The following PAK1 variants were observed in gnomAD, a reference collection of about 807,000 sequenced individuals.
The protein encoded by PAK1 is p21 (RAC1) activated kinase 1, also known as serine/threonine-protein kinase PAK 1.
A neutral mutation model predicts 67.4 loss-of-function variants in PAK1; 29 were observed. The ratio of observed to expected loss-of-function variants is 0.43; its 90% confidence interval spans 0.32 to 0.59. The LOEUF (loss-of-function observed/expected upper bound fraction) is 0.59, where lower values mean the gene tolerates loss of function less well. Among genes scored for constraint, PAK1 ranks in the 20% least tolerant of loss-of-function variants. PAK1 has a pLI of 0.07. For missense variants in PAK1, 337 were observed against 670.7 expected (o/e 0.50, Z 5.50); for synonymous variants, 223 against 237.4 (o/e 0.94, Z 0.56).
chr11:77,402,384 T>C (rs977510757), intron 1 of PAK1, among the ~76,000 whole-genome samples: 3 of 152,154 alleles, frequency 2.0e-5, no homozygotes, highest in Non-Finnish European at 4.4e-5. Flanking sequence ...TCCTACCACC[T>C]TGCAGACAGT....
At chr11:77,333,021 C>T (rs1422022823) in intron 13 of PAK1, among the ~76,000 whole-genome samples, 154 bp from the exon 14 acceptor site, 1 of 152,070 alleles carries the variant, frequency 6.6e-6, no homozygotes, top group Non-Finnish European at 1.5e-5. Flanking sequence ...ACCTAAGGAT[C>T]AGGTTGAACA....
chr11:77,463,517 C>T (rs1339110219), intron 1 of PAK1, among the ~76,000 whole-genome samples: 2 of 152,184 alleles, frequency 1.3e-5, no homozygotes, highest in Non-Finnish European at 2.9e-5. Flanking sequence ...AGTCTCAAGA[C>T]CACTTGGAAA....
At chr11:77,505,470 A>G in the PAK1 span, among the ~76,000 whole-genome samples, 10 of 152,198 alleles carry the variant, frequency 6.6e-5, no homozygotes, top group Admixed American at 4.6e-4. Context: ...TTACAGGCGT[A>G]AGGTAACATG....
At position 77,355,704 on chromosome 11, in the gene PAK1, GCTT is replaced by G. The variant is rs745312995; in HGVS notation, c.733_735del (p.Lys245del). On this transcript the variant is annotated inframe_deletion, in exon 7 of 15. Coordinates refer to ENST00000356341, the MANE Select transcript of PAK1 (RefSeq NM_002576.5). Reference sequence around the variant, plus strand: ...AAGATCTCCTCATCAGACATTTTAGGCTTCTTCTTCTGCTTCTCAGTATTCCGG... The same window carrying G: ...AAGATCTCCTCATCAGACATTTTAGGCTTCTTCTGCTTCTCAGTATTCCGG... The G allele has an allele frequency of 8.7e-6, 14 of 1,611,938 alleles. No individual in the cohort carries two copies. Among genetic ancestry groups the G allele is most frequent in the Middle Eastern group, 1.6e-4 (1 of 6,070 alleles).
intron 1 of PAK1, among the ~76,000 whole-genome samples, chr11:77,403,475 T>C (rs1952992053): frequency 1.3e-5 from 2 of 152,218 alleles, no homozygotes; most frequent in African/African-American, 4.8e-5. Context: ...GAATCATATA[T>C]ACTCCAGAGA....
At chr11:77,485,458 A>G in the PAK1 span, among the ~76,000 whole-genome samples, 1 of 148,142 alleles carries the variant, frequency 6.8e-6, no homozygotes, top group Non-Finnish European at 1.5e-5. Context: ...CTATATACCC[A>G]CAAAAATTTT....
At chr11:77,451,412 T>C (rs770349266) in intron 1 of PAK1, among the ~76,000 whole-genome samples, 5 of 152,152 alleles carry the variant, frequency 3.3e-5, no homozygotes, top group African/African-American at 4.8e-5. Context: ...CCTATTACCA[T>C]TACATCATAC....
intron 1 of PAK1, among the ~76,000 whole-genome samples, chr11:77,399,411 A>T (rs1338959649): frequency 6.6e-6 from 1 of 152,202 alleles, no homozygotes; most frequent in Non-Finnish European, 1.5e-5. Flanking sequence ...CTTAAAGAAC[A>T]AATAGGTCAG....
Position 77,401,464 on chromosome 11 carries a change from T to C in PAK1, c.-21-8923A>G, listed in dbSNP as rs566097474. On this transcript the variant is annotated intron_variant, in intron 1 of 14. Transcript: ENST00000356341. ...TAAAACGCAAACAAGACTACCTACT[T>C]TATAAAGTTATCACGAGAATTAACA... Among the ~76,000 whole-genome samples, 267 of 152,306 alleles carry C rather than the reference T, an allele frequency of 1.8e-3. 1 individual carries two copies. Among genetic ancestry groups the C allele is most frequent in the Admixed American group, 3.5e-3 (54 of 15,300 alleles).
chr11:77,329,818 C>T (rs1462074890), intron 14 of PAK1, among the ~76,000 whole-genome samples: 1 of 151,958 alleles, frequency 6.6e-6, no homozygotes, highest in East Asian at 1.9e-4. Context: ...AAAGGGCATT[C>T]AATTAGGAAA....
At chr11:77,399,512 G>A (rs1023068440) in intron 1 of PAK1, among the ~76,000 whole-genome samples, 39 of 152,176 alleles carry the variant, frequency 2.6e-4, no homozygotes, top group Non-Finnish European at 5.3e-4. Context: ...CAGTGCTGAA[G>A]TACTCAGGGA....
intron 2 of PAK1, among the ~76,000 whole-genome samples, chr11:77,388,037 C>T (rs1022061897): frequency 4.6e-5 from 7 of 152,136 alleles, no homozygotes; most frequent in African/African-American, 1.7e-4. Flanking sequence ...ACCTATGTGC[C>T]CAGGGCAAAT....
chr11:77,409,741 G>C (rs1209089402), intron 1 of PAK1, among the ~76,000 whole-genome samples: 3 of 152,046 alleles, frequency 2.0e-5, no homozygotes, highest in Non-Finnish European at 4.4e-5. Flanking sequence ...AAAAAAAGTA[G>C]ATCTCATGAT....
chr11:77,394,490 T>C (rs1951579795), intron 1 of PAK1, among the ~76,000 whole-genome samples: 1 of 152,154 alleles, frequency 6.6e-6, no homozygotes, highest in Non-Finnish European at 1.5e-5. Flanking sequence ...CATCCAGTTT[T>C]TTCCTCAATC....
chr11:77,442,225 T>TA (rs1956385952), intron 1 of PAK1, among the ~76,000 whole-genome samples: 4 of 152,198 alleles, frequency 2.6e-5, no homozygotes, highest in Admixed American at 2.6e-4. Context: ...GCCTCTAAGA[T>TA]AGTACCCTAT....
intron 1 of PAK1, among the ~76,000 whole-genome samples, chr11:77,409,099 T>TA (rs1240062417): frequency 4.3e-4 from 60 of 139,300 alleles, no homozygotes; most frequent in African/African-American, 1.2e-3. Context: ...ACCACACTTC[T>TA]AAAAAAAAAA....
chr11:77,425,390 C>A (rs537353328), intron 1 of PAK1, among the ~76,000 whole-genome samples: 2 of 152,096 alleles, frequency 1.3e-5, no homozygotes, highest in Non-Finnish European at 2.9e-5. Context: ...AAAAGAGGCA[C>A]CTTCTGTAAG....
At chr11:77,385,730 G>C (rs947560081) in intron 2 of PAK1, among the ~76,000 whole-genome samples, 3 of 152,102 alleles carry the variant, frequency 2.0e-5, no homozygotes, top group Non-Finnish European at 4.4e-5. Flanking sequence ...GGTGGCAGGT[G>C]CCTATAATCC....
intron 10 of PAK1, 81 bp downstream of exon 10, chr11:77,343,738 G>A (rs1316811876): frequency 2.4e-6 from 2 of 824,604 alleles, no homozygotes; most frequent in East Asian, 2.4e-5. Context: ...CTGAGGGCTG[G>A]CACTGCCCTC....
Sources: allele counts gnomAD v4.1 joint callset (sites outside exome capture counted in the v4.1 genomes callset), GRCh38; gene constraint gnomAD v4.1.1; transcripts MANE v1.5; gene names NCBI Gene and HGNC (gene_info 2026-07-23, HGNC 2026-07-21).